Variants in ATP11A observed in about 807,000 individuals in gnomAD.
ATP11A encodes the protein phospholipid-transporting ATPase IH.
A neutral mutation model predicts 154.4 loss-of-function variants in ATP11A; 81 were observed. That is an observed-to-expected ratio of 0.52 (90% CI 0.44 to 0.63). The LOEUF (loss-of-function observed/expected upper bound fraction) is 0.63, where lower values mean the gene tolerates loss of function less well. ATP11A is among the 30% of genes least tolerant of loss of function. The pLI is 0.00. For missense variants in ATP11A, 1,316 were observed against 1,474.3 expected, an observed-to-expected ratio of 0.89 and a Z score of 1.76; for synonymous variants, 623 against 585.9, an observed-to-expected ratio of 1.06 and a Z score of -0.91.
Position 112,746,958 on chromosome 13 carries a change from A to G in ATP11A, c.40-38177A>G, listed in dbSNP as rs111838554. 1.8e-4 allele frequency: 26 copies of G among 147,406 alleles called. No homozygotes were observed. The highest frequency in any genetic ancestry group is 6.5e-4 in the African/African-American group (26 of 40,050). The allele number at this position is 147,406 out of a possible 1,614,324, so 9.1% of individuals were successfully genotyped here. ...TGCCTATTTTAAAATCGGGTAATTG[A>G]TTTTTTTCTGTCATTGGCTTGCATT... On this transcript the variant is annotated intron_variant, in intron 1 of 29. Transcript: ENST00000375645. The surrounding 1 kb of genome is among the most constrained non-coding windows in gnomAD (Gnocchi z 4.1).
intron 1 of ATP11A, among the ~76,000 whole-genome samples, chr13:112,756,017 G>A (rs1185178048): frequency 1.3e-5 from 2 of 148,398 alleles, no homozygotes; most frequent in East Asian, 2.0e-4. Context: ...CACTCAGAGC[G>A]GCTCCCAGAA....
chr13:112,727,062 T>C (rs1308920721), intron 1 of ATP11A, among the ~76,000 whole-genome samples: 4 of 152,244 alleles, frequency 2.6e-5, no homozygotes, highest in African/African-American at 7.2e-5. Flanking sequence ...TCTTTTTTTT[T>C]CTTGAGACAG....
chr13:112,867,801 T>TG (rs1416772803), intron 25 of ATP11A, among the ~76,000 whole-genome samples: 1 of 152,230 alleles, frequency 6.6e-6, no homozygotes, highest in Non-Finnish European at 1.5e-5. Flanking sequence ...TCCTAGTGGC[T>TG]GACAGCCCTC....
At chr13:112,720,266 C>T (rs1242945219) in intron 1 of ATP11A, among the ~76,000 whole-genome samples, 1 of 152,220 alleles carries the variant, frequency 6.6e-6, no homozygotes, top group Admixed American at 6.5e-5. Context: ...ATTGGTTTAG[C>T]CCAGAAAGGT....
intron 25 of ATP11A, among the ~76,000 whole-genome samples, chr13:112,866,221 A>C (rs981330356): frequency 6.6e-6 from 1 of 152,242 alleles, no homozygotes; most frequent in African/African-American, 2.4e-5. Flanking sequence ...AGTGCATTAC[A>C]AATGAAATAT....
chr13:112,760,723 C>T (rs1350765847), intron 1 of ATP11A, among the ~76,000 whole-genome samples: 3 of 152,122 alleles, frequency 2.0e-5, no homozygotes, highest in African/African-American at 7.2e-5. Context: ...TAGTTACCAG[C>T]ATAGTTGTTA....
chr13:112,693,656 T>C (rs1164872653), intron 1 of ATP11A, among the ~76,000 whole-genome samples: 1 of 152,016 alleles, frequency 6.6e-6, no homozygotes, highest in African/African-American at 2.4e-5. Context: ...CGTAACACTT[T>C]AAAAGCACTT....
intron 1 of ATP11A, among the ~76,000 whole-genome samples, chr13:112,705,636 C>T (rs987330746): frequency 6.6e-6 from 1 of 152,182 alleles, no homozygotes; most frequent in Non-Finnish European, 1.5e-5. Context: ...GAGGAAGCCC[C>T]CCAGGAGGGA....
chr13:112,715,941 C>T (rs1267930541), intron 1 of ATP11A, among the ~76,000 whole-genome samples: 1 of 152,048 alleles, frequency 6.6e-6, no homozygotes, highest in East Asian at 2.0e-4. Context: ...CCACTAAGGG[C>T]TCTCTGAGGG....
rs143422232 is a variant in ATP11A, at chr13:112,821,562, C to T, written c.725+1612C>T. 9.2e-5 allele frequency among the ~76,000 whole-genome samples: 14 copies of T among 152,322 alleles called. No homozygotes were observed. The East Asian group carries it at 2.1e-3, about 23-fold the overall frequency. ...ACGCCCTCAGGTGATTCACCCACCTCGGCCTCCTAGAGTATTGGGATTATA... is the reference window on the plus strand; with the variant it reads ...ACGCCCTCAGGTGATTCACCCACCTTGGCCTCCTAGAGTATTGGGATTATA... On this transcript the variant is annotated intron_variant, in intron 8 of 29. Transcript: ENST00000375645.
chr13:112,878,071 A>T, intron 28 of ATP11A, 146 bp from the exon 29 acceptor site: 3 of 732,574 alleles, frequency 4.1e-6, no homozygotes, highest in Non-Finnish European at 7.0e-6. Context: ...AAGAACTTGC[A>T]CGTGGTGGCG....
At chr13:112,846,039 C>T (rs935569865) in intron 17 of ATP11A, among the ~76,000 whole-genome samples, 7 of 152,194 alleles carry the variant, frequency 4.6e-5, no homozygotes, top group Non-Finnish European at 1.0e-4. Context: ...CCGATGTGTC[C>T]TTTTCTCCTG....
At chr13:112,782,680 C>G (rs183975976) in intron 1 of ATP11A, among the ~76,000 whole-genome samples, 101 of 152,290 alleles carry the variant, frequency 6.6e-4, no homozygotes, top group African/African-American at 2.1e-3. Context: ...GACCCAGTCC[C>G]GGAGGAGGAG....
In ATP11A at chr13:112,871,765, G is replaced by T; in HGVS notation, c.3022G>T (p.Val1008Leu). 1.2e-6 allele frequency: 2 copies of T among 1,614,174 alleles called. No individual in the cohort carries two copies. Among genetic ancestry groups the T allele is most frequent in the Non-Finnish European group, 1.7e-6 (2 of 1,180,024 alleles). ...TGGAAACTGGACGTTTGGAACGCTG[G>T]TATTCACCGTGATGGTGTTCACAGT... ...IFGNWTFGTLVFTVMVFTVTL... is the reference protein window; with the variant it reads ...IFGNWTFGTLLFTVMVFTVTL... Residue 1008 changes from valine (V) to leucine (L), a missense_variant, in exon 26 of 30, where the codon GTA (valine) becomes TTA (leucine). Coordinates refer to ENST00000375645, the MANE Select transcript of ATP11A (RefSeq NM_015205.3).
At chr13:112,825,689 G>A in intron 11 of ATP11A, 109 bp downstream of exon 11, 6 of 1,306,398 alleles carry the variant, frequency 4.6e-6, no homozygotes, top group Non-Finnish European at 5.2e-6. Context: ...GCAAAAAGCA[G>A]CTTGATTGAT....
intron 1 of ATP11A, among the ~76,000 whole-genome samples, chr13:112,756,060 A>G (rs1474607436): frequency 6.6e-6 from 1 of 152,230 alleles, no homozygotes; most frequent in African/African-American, 2.4e-5. Context: ...CACTCAGAGC[A>G]GATTCTAGAA....
chr13:112,846,098 T>C (rs1348698269), intron 17 of ATP11A, among the ~76,000 whole-genome samples: 1 of 152,186 alleles, frequency 6.6e-6, no homozygotes, highest in East Asian at 1.9e-4. Flanking sequence ...CAGCTTCCCT[T>C]TTCTGGCTGC....
At position 112,816,092 on chromosome 13, in the gene ATP11A, AT is replaced by A. The variant is rs2078638972; in HGVS notation, c.453del (p.Ile151MetfsTer14). The A allele has an allele frequency of 1.2e-6, 2 of 1,614,066 alleles. No homozygotes were observed. Among genetic ancestry groups the A allele is most frequent in the Non-Finnish European group, 1.7e-6 (2 of 1,180,044 alleles). On this transcript the variant is annotated frameshift_variant, in exon 6 of 30. Coordinates refer to ENST00000375645, the MANE Select transcript of ATP11A (RefSeq NM_015205.3). LOFTEE classifies it high-confidence loss of function. ...CTGCTTTGTCCTGTAGGTTGGGGAC[AT>A]TGTCATGGTTAAGGAGGACGAGACC... is the stretch of plus-strand genomic sequence containing the variant. ...KQSRKLRVGD[I>X]VMVKEDETFP...
At chr13:112,800,291 C>G (rs2078099903) in intron 2 of ATP11A, among the ~76,000 whole-genome samples, 1 of 151,488 alleles carries the variant, frequency 6.6e-6, no homozygotes, top group African/African-American at 2.4e-5. Flanking sequence ...ACACAAATTC[C>G]AAACATCAGA....
Sources: gnomAD v4.1 joint callset for allele counts (sites outside exome capture counted in the v4.1 genomes callset) on GRCh38, gnomAD v4.1.1 for gene constraint, Gnocchi (gnomAD v3.1) non-coding constraint, MANE v1.5 for transcripts, NCBI Gene and HGNC (gene_info 2026-07-23, HGNC 2026-07-21) for gene names.